The following TMC2 variants were observed in gnomAD, a reference collection of about 807,000 sequenced individuals.
TMC2 encodes transmembrane channel-like protein 2.
TMC2 carries 102 observed loss-of-function variants against 105.9 expected under a neutral mutation model. The ratio of observed to expected loss-of-function variants is 0.96; its 90% confidence interval spans 0.82 to 1.14. The LOEUF is 1.14. Among genes scored for constraint, TMC2 ranks in the 50% most tolerant of loss-of-function variants. The probability of loss-of-function intolerance (pLI) is 0.00; values close to 1 mark genes in which losing one functional copy is unlikely to be tolerated. For synonymous variants in TMC2, 402 were observed against 422.8 expected (o/e 0.95, Z 0.60); for missense variants, 1,093 against 1,134.3 (o/e 0.96, Z 0.52).
intron 11 of TMC2, among the ~76,000 whole-genome samples, chr20:2,608,471 G>A (rs2086411183): frequency 2.0e-5 from 3 of 151,986 alleles, no homozygotes; most frequent in Admixed American, 2.0e-4. Flanking sequence ...GGGACTACAG[G>A]CACGCACCAC....
rs140802958 is a variant in TMC2, at chr20:2,639,207, T to C, written c.2503+1616T>C. Reference sequence around the variant, plus strand: ...ACCGCGTCCGGCCTAGAAAAAATATTTGTAAATTGAGTGTAACCTAAGTGC... The same window carrying C: ...ACCGCGTCCGGCCTAGAAAAAATATCTGTAAATTGAGTGTAACCTAAGTGC... On this transcript the variant is annotated intron_variant, in intron 19 of 19. Transcript: ENST00000358864. Among the ~76,000 whole-genome samples, 736 of 152,278 alleles carry C rather than the reference T, an allele frequency of 4.8e-3. 7 individuals carry two copies. Among genetic ancestry groups the C allele is most frequent in the African/African-American group, 0.017 (693 of 41,536 alleles).
At chr20:2,545,411 T>A (rs1291027084) in intron 2 of TMC2, among the ~76,000 whole-genome samples, 1 of 152,114 alleles carries the variant, frequency 6.6e-6, no homozygotes, top group African/African-American at 2.4e-5. Context: ...TAATAGATGA[T>A]ATCATAGACA....
chr20:2,547,873 T>C (rs912612009), intron 2 of TMC2, among the ~76,000 whole-genome samples: 6 of 152,262 alleles, frequency 3.9e-5, no homozygotes, highest in Non-Finnish European at 8.8e-5. Context: ...GCAAACTTTC[T>C]GCTATTTTCT....
Position 2,616,088 on chromosome 20 carries a change from C to T in TMC2, c.1873-49C>T, listed in dbSNP as rs748291797. On this transcript the variant is annotated intron_variant, in intron 14 of 19. Coordinates refer to ENST00000358864, the MANE Select transcript of TMC2 (RefSeq NM_080751.3). This position sits in a 1 kb window ranked among gnomAD's most constrained non-coding sequence, Gnocchi z 4.8. ...GTAGGGTTTGGCTGAATTCACCAAA[C>T]GTGCTTTTTTTTTTCTCTCTCTCTC... 13 of 1,525,124 alleles carry T rather than the reference C, an allele frequency of 8.5e-6. No homozygotes were observed. Among genetic ancestry groups the T allele is most frequent in the Middle Eastern group, 1.7e-4 (1 of 5,922 alleles). 94.5% of individuals were successfully genotyped at this position (1,525,124 alleles called of 1,614,324 possible). A position where few individuals can be genotyped will look rare whatever the true frequency, so the allele number is the denominator to read the frequency against.
chr20:2,608,483 A>G (rs111787600), intron 11 of TMC2, among the ~76,000 whole-genome samples: 50 of 152,000 alleles, frequency 3.3e-4, no homozygotes, highest in African/African-American at 1.2e-3. Context: ...ACGCACCACC[A>G]CACCTGGCTA....
intron 2 of TMC2, among the ~76,000 whole-genome samples, chr20:2,548,994 T>C (rs7354534): frequency 0.26 from 40,025 of 152,128 alleles, 6,517 homozygotes; most frequent in Admixed American, 0.39. Context: ...TTTTATGAAA[T>C]TAAACATAAT....
intron 11 of TMC2, among the ~76,000 whole-genome samples, chr20:2,606,449 A>G (rs1045025461): frequency 2.6e-5 from 4 of 152,114 alleles, no homozygotes; most frequent in Non-Finnish European, 5.9e-5. Context: ...TAGTAGAGAC[A>G]GGGTTTCACC....
At position 2,561,968 on chromosome 20, in the gene TMC2, G is replaced by A. The variant is rs200477138; in HGVS notation, c.512G>A (p.Arg171Gln). ...AAAAAGAAGCTCATTGCCACCATGC[G>A]GAGCAAGCCCTGGCCCATGGCGAAG... The part of the protein sequence containing the change: ...EEKKKLIATM[R>Q]SKPWPMAKKL... Residue 171 changes from arginine to glutamine, a missense_variant, in exon 4 of 20, where the codon CGG (arginine) becomes CAG (glutamine). Transcript: ENST00000358864. The A allele has an allele frequency of 8.7e-6, 14 of 1,614,204 alleles. No individual in the cohort carries two copies. Among genetic ancestry groups the A allele is most frequent in the African/African-American group, 6.7e-5 (5 of 75,070 alleles).
At chr20:2,583,182 G>C (rs1268184626) in intron 7 of TMC2, among the ~76,000 whole-genome samples, 1 of 152,172 alleles carries the variant, frequency 6.6e-6, no homozygotes, top group Non-Finnish European at 1.5e-5. Flanking sequence ...TTCTCTCCTG[G>C]TATTCATGTC....
At chr20:2,537,398 C>A in intron 2 of TMC2, 82 bp downstream of exon 2, 6 of 1,124,038 alleles carry the variant, frequency 5.3e-6, no homozygotes, top group Middle Eastern at 1.9e-4. Context: ...GCCACCCATC[C>A]AACATTCTCC....
In TMC2 at chr20:2,558,745, G is replaced by A. The variant is rs547313421; in HGVS notation, c.372G>A (p.Glu124=). The A allele has an allele frequency of 3.3e-5, 52 of 1,564,358 alleles. 1 individual carries two copies. In the South Asian group the frequency reaches 6.0e-4, roughly 18 times the overall value. The change falls in exon 3 of 20, where the codon GAG becomes GAA. Residue 124 remains glutamate, a synonymous_variant. Coordinates refer to ENST00000358864, the MANE Select transcript of TMC2 (RefSeq NM_080751.3). This position sits in a 1 kb window ranked among gnomAD's most constrained non-coding sequence, Gnocchi z 4.6. The part of the protein sequence containing the change: ...PKREKEIPRR[E]EKSKRQKKPR... Reference sequence around the variant, plus strand: ...GGGAAAAGGAGATTCCGAGGAGGGAGGAGAAGTCGAAGCGGCAGAAGAAAC... The same window carrying A: ...GGGAAAAGGAGATTCCGAGGAGGGAAGAGAAGTCGAAGCGGCAGAAGAAAC...
At chr20:2,638,549 A>G (rs2086666097) in intron 19 of TMC2, among the ~76,000 whole-genome samples, 1 of 127,144 alleles carries the variant, frequency 7.9e-6, no homozygotes, top group Non-Finnish European at 1.7e-5. Flanking sequence ...GAGCTATTCC[A>G]GAAGAAGGTG....
At chr20:2,539,641 A>G (rs2085875346) in intron 2 of TMC2, among the ~76,000 whole-genome samples, 1 of 152,036 alleles carries the variant, frequency 6.6e-6, no homozygotes, top group African/African-American at 2.4e-5. Context: ...TGAGCACTGA[A>G]CTCAGTCCTA....
At chr20:2,623,606 A>G (rs935018797) in intron 16 of TMC2, among the ~76,000 whole-genome samples, 1 of 152,130 alleles carries the variant, frequency 6.6e-6, no homozygotes, top group Non-Finnish European at 1.5e-5. Context: ...ATGGGGGATC[A>G]AGGATTTAAA....
chr20:2,596,301 T>C (rs4815396), intron 9 of TMC2, among the ~76,000 whole-genome samples: 36,770 of 152,016 alleles, frequency 0.24, 4,653 homozygotes, highest in Middle Eastern at 0.33. Flanking sequence ...CTGATTGTAT[T>C]AGGACGGTGC....
intron 2 of TMC2, among the ~76,000 whole-genome samples, chr20:2,540,135 T>C (rs968091882): frequency 6.6e-6 from 1 of 151,570 alleles, no homozygotes; most frequent in African/African-American, 2.4e-5. Context: ...GGATTACAGG[T>C]GCCTGCCACC....
intron 2 of TMC2, among the ~76,000 whole-genome samples, chr20:2,538,699 A>G (rs774403560): frequency 6.6e-6 from 1 of 152,136 alleles, no homozygotes; most frequent in African/African-American, 2.4e-5. Context: ...GAAATATTCC[A>G]CGTTGCCGCT....
intron 2 of TMC2, among the ~76,000 whole-genome samples, chr20:2,556,118 T>A (rs1055475869): frequency 6.6e-6 from 1 of 152,196 alleles, no homozygotes; most frequent in Non-Finnish European, 1.5e-5. Flanking sequence ...AGACGGAGCC[T>A]TGCTCTGTCA....
chr20:2,604,656 G>A lies in TMC2; in HGVS notation c.1413+2355G>A, dbSNP rs2086376198. ...TCTGCATCTGGGCTGGCTGCCAGGG[G>A]AACCAGCCAGTGATTAGAAAATTGG... On this transcript the variant is annotated intron_variant, in intron 11 of 19. Transcript: ENST00000358864. Among the ~76,000 whole-genome samples, 3 of 152,222 alleles carry A rather than the reference G, an allele frequency of 2.0e-5. No individual in the cohort carries two copies. The South Asian group carries it at 6.2e-4, about 32-fold the overall frequency.
Sources: allele counts gnomAD v4.1 joint callset (sites outside exome capture counted in the v4.1 genomes callset), GRCh38; gene constraint gnomAD v4.1.1; non-coding constraint Gnocchi (gnomAD v3.1); transcripts MANE v1.5; gene names NCBI Gene and HGNC (gene_info 2026-07-23, HGNC 2026-07-21).